Variants in TASOR observed in about 807,000 individuals in gnomAD.
TASOR encodes the protein protein TASOR.
A neutral mutation model predicts 178.6 loss-of-function variants in TASOR; 53 were observed. The observed-to-expected ratio is 0.30, with a 90% CI of 0.24 to 0.37. The LOEUF is 0.37. Among genes scored for constraint, TASOR ranks in the 10% least tolerant of loss-of-function variants. The pLI, the probability that TASOR is intolerant of heterozygous loss-of-function variation, is 1.00. For synonymous variants in TASOR, 713 were observed against 696.2 expected (o/e 1.02, Z -0.38); for missense variants, 1,815 against 1,971.4 (o/e 0.92, Z 1.50).
At chr3:56,656,164 T>C (rs541679323) in intron 11 of TASOR, among the ~76,000 whole-genome samples, 9 of 152,310 alleles carry the variant, frequency 5.9e-5, no homozygotes, top group Admixed American at 2.0e-4. Context: ...GAATTCTATA[T>C]AGAAACCCCC....
chr3:56,673,433 CAAAAAAAAAAAAAA>C (rs5849162), intron 2 of TASOR, 133 bp downstream of exon 2: 5 of 194,768 alleles, frequency 2.6e-5, no homozygotes, highest in East Asian at 1.2e-4. Flanking sequence ...ACTCCGTCTC[CAAAAAAAAAAAAAA>C]AAAAAAAAAA....
rs1336352643 is a variant in TASOR at position 56,673,716 on chromosome 3, T to C, written c.341A>G (p.Gln114Arg). The C allele has an allele frequency of 6.5e-7, 1 of 1,543,874 alleles. No homozygotes were observed. ...TTCTCGAGAGCCTGGAGTTAATGGC[T>C]GGAAAAGTGCTAAAATAAAAAAACA... ...RKSREKKALF[Q>R]PLTPGSREFE... is the part of the protein sequence containing the mutation. The change falls in exon 2 of 24, where the codon CAG (glutamine) becomes CGG (arginine). Residue 114 changes from glutamine to arginine, a missense_variant. This residue lies in a region of TASOR where 244 missense variants were observed against 202.7 expected (regional missense o/e 1.20). Transcript: ENST00000683822.
chr3:56,637,019 C>A (rs1478881055), intron 17 of TASOR, among the ~76,000 whole-genome samples: 1 of 152,184 alleles, frequency 6.6e-6, no homozygotes, highest in South Asian at 2.1e-4. Flanking sequence ...AAAAGAATTA[C>A]TGATAGATGC....
intron 14 of TASOR, among the ~76,000 whole-genome samples, chr3:56,643,365 A>G (rs2077167674): frequency 6.6e-6 from 1 of 152,210 alleles, no homozygotes; most frequent in South Asian, 2.1e-4. Context: ...ACTGTACCTC[A>G]AAACAGTTTA....
chr3:56,671,713 A>G, intron 2 of TASOR, 21 bp from the exon 3 acceptor site: 1 of 1,491,538 alleles, frequency 6.7e-7, no homozygotes, highest in Non-Finnish European at 9.1e-7. Flanking sequence ...TTAAAACTAT[A>G]ACAACTACTT....
chr3:56,630,453 T>G (rs2076885034), intron 18 of TASOR, among the ~76,000 whole-genome samples: 1 of 152,234 alleles, frequency 6.6e-6, no homozygotes, highest in Non-Finnish European at 1.5e-5. Context: ...AAACAAAGAA[T>G]GCTCTTTTAT....
intron 14 of TASOR, among the ~76,000 whole-genome samples, chr3:56,643,754 CA>C (rs766546690): frequency 0.25 from 22,333 of 88,886 alleles, 2,141 homozygotes; most frequent in South Asian, 0.45. Flanking sequence ...GACTCCGTCT[CA>C]AAAAAAAAAA....
chr3:56,642,906 G>T (rs2077156037), intron 14 of TASOR, among the ~76,000 whole-genome samples: 1 of 152,072 alleles, frequency 6.6e-6, no homozygotes, highest in African/African-American at 2.4e-5. Context: ...AACCCAGGAG[G>T]CGGAGGTTGC....
chr3:56,641,731 G>A lies in TASOR; in HGVS notation c.2237C>T (p.Ser746Leu). ...CCTCAAGTCAGCATCATGTCCAAGTGAGCCAATAGGCTGTGGAGACTCTGA... is the reference window on the plus strand; with the variant it reads ...CCTCAAGTCAGCATCATGTCCAAGTAAGCCAATAGGCTGTGGAGACTCTGA... ...LYEESPQPIG[S>L]LGHDADLRRQ... The change falls in exon 15 of 24, where the codon TCA (serine) becomes TTA (leucine). Residue 746 changes from serine (S) to leucine (L), a missense_variant. This residue lies in a region of TASOR where 655 missense variants were observed against 671.1 expected (regional missense o/e 0.98). Transcript: ENST00000683822. The A allele has an allele frequency of 6.2e-7, 1 of 1,613,902 alleles. No individual in the cohort carries two copies. Among genetic ancestry groups the A allele is most frequent in the Non-Finnish European group, 8.5e-7 (1 of 1,179,800 alleles).
intron 2 of TASOR, 139 bp downstream of exon 2, chr3:56,673,433 CAAAAAAAA>C (rs5849162): frequency 3.0e-4 from 58 of 194,730 alleles, no homozygotes; most frequent in South Asian, 1.1e-3. Context: ...ACTCCGTCTC[CAAAAAAAA>C]AAAAAAAAAA....
intron 14 of TASOR, among the ~76,000 whole-genome samples, chr3:56,644,565 C>T (rs1181831269): frequency 6.6e-6 from 1 of 152,160 alleles, no homozygotes. Context: ...TGTGAGAGAA[C>T]AGTGGGAAAC....
chr3:56,623,951 G>C (rs546522995), intron 23 of TASOR: 2 of 812,196 alleles, frequency 2.5e-6, no homozygotes, highest in East Asian at 2.9e-5. Flanking sequence ...CTAAATGAAT[G>C]ATCATTTCTG....
chr3:56,683,110 C>G lies in TASOR; in HGVS notation c.-104G>C. On this transcript the variant is annotated 5_prime_UTR_variant, in exon 1 of 24. Transcript: ENST00000683822. ...TCGCCGCCGAGCTGCTCTCAGCCCACCCACCCCCTTCCCCCCGTGGCCTCA... is the reference window on the plus strand; with the variant it reads ...TCGCCGCCGAGCTGCTCTCAGCCCAGCCACCCCCTTCCCCCCGTGGCCTCA... 2 of 1,289,818 alleles carry G rather than the reference C, an allele frequency of 1.6e-6. No individual in the cohort carries two copies. The highest frequency in any genetic ancestry group is 1.6e-5 in the South Asian group (1 of 64,474). 79.9% of individuals were successfully genotyped at this position (1,289,818 alleles called of 1,614,324 possible). A position where few individuals can be genotyped will look rare whatever the true frequency, so the allele number is the denominator to read the frequency against.
intron 7 of TASOR, chr3:56,664,341 G>A (rs2077662903): frequency 6.6e-6 from 1 of 152,156 alleles, no homozygotes. Context: ...TATTCCTGGG[G>A]GCATGACCTC....
In TASOR at chr3:56,665,028, C is replaced by T. The variant is rs550771314; in HGVS notation, c.1022+1232G>A. ...ATTTCCATGAAAACTAAAAATAAACCAGACATGATGGTGCATGCCTGTAGT... is the reference window on the plus strand; with the variant it reads ...ATTTCCATGAAAACTAAAAATAAACTAGACATGATGGTGCATGCCTGTAGT... On this transcript the variant is annotated intron_variant, in intron 7 of 23. Transcript: ENST00000683822. 5.3e-5 allele frequency among the ~76,000 whole-genome samples: 8 copies of T among 152,176 alleles called. No homozygotes were observed. In the South Asian group the frequency reaches 8.3e-4, roughly 16 times the overall value.
Position 56,668,535 on chromosome 3 carries a change from G to T in TASOR, c.759C>A (p.Asp253Glu), listed in dbSNP as rs1451964219. 5.2e-6 allele frequency: 8 copies of T among 1,550,700 alleles called. No individual in the cohort carries two copies. The East Asian group carries it at 2.0e-4, about 38-fold the overall frequency. The change falls in exon 6 of 24, where the codon GAC (aspartate) becomes GAA (glutamate). Residue 253 changes from aspartate to glutamate, a missense_variant. Around this residue, in one of 5 missense-constraint regions of TASOR, gnomAD observed 504 missense variants for 645.3 expected, o/e 0.78. Coordinates refer to ENST00000683822, the MANE Select transcript of TASOR (RefSeq NM_001365635.2). Reference sequence around the variant, plus strand: ...ATTCCAAACTTTTTACACCCATGGGGTCATATATACTCTTTATTTTACCCT... The same window carrying T: ...ATTCCAAACTTTTTACACCCATGGGTTCATATATACTCTTTATTTTACCCT... ...IMKGKIKSIY[D>E]PMGVKSLESM... is the part of the protein sequence containing the mutation.
At chr3:56,624,274 C>A (rs553748271) in intron 23 of TASOR, among the ~76,000 whole-genome samples, 5 of 152,274 alleles carry the variant, frequency 3.3e-5, no homozygotes, top group African/African-American at 4.8e-5. Context: ...TAATAACTTA[C>A]AACTTACACT....
At chr3:56,661,125 T>C (rs1465597144) in intron 9 of TASOR, 108 bp from the exon 10 acceptor site, 2 of 664,674 alleles carry the variant, frequency 3.0e-6, no homozygotes, top group East Asian at 5.4e-5. Context: ...AGAGCATATC[T>C]ACGAATATCT....
In TASOR at chr3:56,623,311, T is replaced by G; in HGVS notation, c.4739A>C (p.Glu1580Ala). 1 of 1,613,598 alleles carries G rather than the reference T, an allele frequency of 6.2e-7. No individual in the cohort carries two copies. Among genetic ancestry groups the G allele is most frequent in the Non-Finnish European group, 8.5e-7 (1 of 1,179,976 alleles). Residue 1580 changes from glutamate to alanine, a missense_variant, in exon 24 of 24, where the codon GAA becomes GCA. Physicochemically the swap from Glu to Ala is moderately radical, Grantham distance 107. Coordinates refer to ENST00000683822, the MANE Select transcript of TASOR (RefSeq NM_001365635.2). ...TTCTGTTGAATTGCTGTTCTCTCCTTCAGAGCATACTATATCAATAGAAGT... is the reference window on the plus strand; with the variant it reads ...TTCTGTTGAATTGCTGTTCTCTCCTGCAGAGCATACTATATCAATAGAAGT... Reference protein sequence around the residue: ...ERTSIDIVCSEGENSNSTEQD... With the variant: ...ERTSIDIVCSAGENSNSTEQD...
Sources: gnomAD v4.1 joint callset for allele counts (sites outside exome capture counted in the v4.1 genomes callset) on GRCh38, gnomAD v4.1.1 for gene constraint, gnomAD v4.1.1 regional missense constraint, MANE v1.5 for transcripts, NCBI Gene and HGNC (gene_info 2026-07-23, HGNC 2026-07-21) for gene names.